The following PARD3 variants were observed in gnomAD, a reference collection of about 807,000 sequenced individuals.
PARD3 encodes par-3 family cell polarity regulator.
In PARD3, 75 loss-of-function variants were observed where a neutral mutation model predicts 155.4. That is an observed-to-expected ratio of 0.48 (90% confidence interval 0.40 to 0.58). The LOEUF is 0.58. Among genes scored for constraint, PARD3 ranks in the 20% least tolerant of loss-of-function variants. PARD3 has a pLI of 0.00. For missense variants in PARD3, 1,642 were observed against 1,721.7 expected, an observed-to-expected ratio of 0.95 and a Z score of 0.82; for synonymous variants, 576 against 610.5, an observed-to-expected ratio of 0.94 and a Z score of 0.83.
At chr10:34,269,964 ACATT>A (rs1955534401) in intron 21 of PARD3, 65 bp from the exon 22 acceptor site, 1 of 1,446,264 alleles carries the variant, frequency 6.9e-7, no homozygotes, top group East Asian at 2.3e-5. Context: ...GCATATAGAA[ACATT>A]CATCAAAATA....
chr10:34,344,135 A>T (rs1837125517), intron 15 of PARD3: 9 of 981,200 alleles, frequency 9.2e-6, no homozygotes, highest in Non-Finnish European at 1.1e-5. Flanking sequence ...AAGAAAAATT[A>T]TTCAGCTAAA....
chr10:34,421,649 T>C (rs565660847), intron 5 of PARD3, among the ~76,000 whole-genome samples: 1 of 152,296 alleles, frequency 6.6e-6, no homozygotes, highest in African/African-American at 2.4e-5. Flanking sequence ...ATTCCCACCC[T>C]GAATCATTCA....
intron 3 of PARD3, chr10:34,488,762 C>A: frequency 6.5e-6 from 1 of 154,276 alleles, no homozygotes; most frequent in South Asian, 2.0e-4. Context: ...AAGAGCTGGT[C>A]ATCCCTGTAC....
intron 2 of PARD3, among the ~76,000 whole-genome samples, chr10:34,554,637 T>C (rs1391502374): frequency 2.0e-5 from 3 of 152,066 alleles, no homozygotes; most frequent in Non-Finnish European, 4.4e-5. Flanking sequence ...GTAATAGAAA[T>C]ACAAAGAAAC....
At chr10:34,515,548 C>G (rs2081668147) in intron 3 of PARD3, among the ~76,000 whole-genome samples, 1 of 152,190 alleles carries the variant, frequency 6.6e-6, no homozygotes, top group Non-Finnish European at 1.5e-5. Context: ...TTGAACTACA[C>G]CTTCTAAATT....
chr10:34,216,780 G>T (rs1952022054), intron 22 of PARD3, among the ~76,000 whole-genome samples: 1 of 152,182 alleles, frequency 6.6e-6, no homozygotes, highest in African/African-American at 2.4e-5. Flanking sequence ...AACAAGGCAT[G>T]TCTGACTTCC....
At chr10:34,318,079 A>G (rs1335145816) in intron 19 of PARD3, among the ~76,000 whole-genome samples, 1 of 152,228 alleles carries the variant, frequency 6.6e-6, no homozygotes, top group East Asian at 1.9e-4. Flanking sequence ...TTTGCAGATA[A>G]AAGATCTGCT....
intron 1 of PARD3, among the ~76,000 whole-genome samples, chr10:34,714,721 G>A (rs1158147408): frequency 6.6e-6 from 1 of 152,018 alleles, no homozygotes; most frequent in Non-Finnish European, 1.5e-5. Flanking sequence ...ATCACAGGGT[G>A]CTCCTGAGTC....
At chr10:34,318,657 A>G (rs567201590) in intron 19 of PARD3, among the ~76,000 whole-genome samples, 74 of 152,362 alleles carry the variant, frequency 4.9e-4, no homozygotes, top group Middle Eastern at 3.4e-3. Context: ...CAAATCTGAA[A>G]AGAGACTATC....
Position 34,359,207 on chromosome 10 carries a change from T to C in PARD3, c.2007A>G (p.Glu669=), listed in dbSNP as rs1489022737. 1 of 1,613,938 alleles carries C rather than the reference T, an allele frequency of 6.2e-7. No homozygotes were observed. Among genetic ancestry groups the C allele is most frequent in the Non-Finnish European group, 8.5e-7 (1 of 1,179,844 alleles). The change falls in exon 14 of 25, where the codon GAA becomes GAG. Residue 669 remains glutamate (E), a synonymous_variant. Transcript: ENST00000374788. The stretch of plus-strand genomic sequence containing the variant: ...GCTGGATCATTCCTCGTTTATTGCC[T>C]TCAGTAGACATAGACCTTCTTAGGG... ...METLRRSMST[E]GNKRGMIQLI...
chr10:34,594,859 G>T (rs11009828), intron 2 of PARD3, among the ~76,000 whole-genome samples: 8,919 of 152,088 alleles, frequency 0.059, 846 homozygotes, highest in African/African-American at 0.2. Flanking sequence ...AATAAATAAA[G>T]TCAGTCAGAT....
chr10:34,753,334 C>T (rs775627749), intron 1 of PARD3, among the ~76,000 whole-genome samples: 7 of 152,206 alleles, frequency 4.6e-5, no homozygotes, highest in Admixed American at 1.3e-4. Flanking sequence ...AACAGGCAGA[C>T]GACTGGTGCA....
At chr10:34,530,550 T>C (rs891815344) in intron 2 of PARD3, among the ~76,000 whole-genome samples, 2 of 152,214 alleles carry the variant, frequency 1.3e-5, no homozygotes, top group Admixed American at 6.5e-5. Context: ...CTTGAAGTCC[T>C]TCATCCCCCA....
intron 3 of PARD3, among the ~76,000 whole-genome samples, chr10:34,498,536 G>A (rs1367098176): frequency 1.3e-5 from 2 of 152,124 alleles, no homozygotes; most frequent in Non-Finnish European, 2.9e-5. Flanking sequence ...CAGCACTTTG[G>A]GAGGCCAAGG....
intron 3 of PARD3, among the ~76,000 whole-genome samples, chr10:34,509,844 C>A (rs2133541138): frequency 6.6e-6 from 1 of 152,240 alleles, no homozygotes; most frequent in South Asian, 2.1e-4. Context: ...AATTGATGTA[C>A]AACTGTGCAT....
At chr10:34,327,542 G>T (rs1653982819) in intron 19 of PARD3, among the ~76,000 whole-genome samples, 1 of 152,266 alleles carries the variant, frequency 6.6e-6, no homozygotes, top group South Asian at 2.1e-4. Context: ...AATCAACCAT[G>T]CCTACGCCTA....
intron 18 of PARD3, among the ~76,000 whole-genome samples, chr10:34,332,637 T>A (rs1447132251): frequency 1.3e-5 from 2 of 152,168 alleles, no homozygotes; most frequent in African/African-American, 4.8e-5. Flanking sequence ...TGGGTAAGAA[T>A]AGATATGTTT....
At chr10:34,216,041 A>C (rs2133435872) in intron 22 of PARD3, among the ~76,000 whole-genome samples, 1 of 152,318 alleles carries the variant, frequency 6.6e-6, no homozygotes, top group South Asian at 2.1e-4. Context: ...TAGCTGACTG[A>C]ATCTACTTGA....
At chr10:34,689,117 T>C (rs754310574) in intron 2 of PARD3, among the ~76,000 whole-genome samples, 61 of 152,192 alleles carry the variant, frequency 4.0e-4, no homozygotes, top group Middle Eastern at 3.2e-3. Context: ...TTTAGATACA[T>C]GTTATTATTT....
Sources: allele counts gnomAD v4.1 joint callset (sites outside exome capture counted in the v4.1 genomes callset), GRCh38; gene constraint gnomAD v4.1.1; transcripts MANE v1.5; gene names NCBI Gene and HGNC (gene_info 2026-07-23, HGNC 2026-07-21).